TRAPPC9: variants seen among roughly 807,000 people sequenced by gnomAD.
TRAPPC9 encodes the protein trafficking protein particle complex subunit 9, also known as IKK2 binding protein.
Under a neutral mutation model 124.0 loss-of-function variants are expected in TRAPPC9, and 83 were observed. The observed-to-expected ratio is 0.67, with a 90% CI of 0.56 to 0.80. The LOEUF (loss-of-function observed/expected upper bound fraction) is 0.80. Among genes scored for constraint, TRAPPC9 ranks in the 30% least tolerant of loss-of-function variants. TRAPPC9 has a pLI of 0.00. For synonymous variants in TRAPPC9, 638 were observed against 617.5 expected, an observed-to-expected ratio of 1.03 and a Z score of -0.49; for missense variants, 1,302 against 1,508.3, an observed-to-expected ratio of 0.86 and a Z score of 2.27.
In TRAPPC9 at chr8:140,364,280, A is replaced by T. The variant is rs1484983034; in HGVS notation, c.1352-4087T>A. Among the ~76,000 whole-genome samples, 4 of 138,700 alleles carry T rather than the reference A, an allele frequency of 2.9e-5. No individual in the cohort carries two copies. In the East Asian group the frequency reaches 9.0e-4, roughly 31 times the overall value. 91.0% of individuals were successfully genotyped at this position (138,700 alleles called of 152,430 possible). ...TACCCTGAAGCCAGCCTGGAGTTAT[A>T]TTCAAAGGATGCAAAAAAAAAAAAA... On this transcript the variant is annotated intron_variant, in intron 8 of 22. Transcript: ENST00000438773.
chr8:139,897,174 G>A (rs748104399), intron 20 of TRAPPC9, among the ~76,000 whole-genome samples: 4 of 152,166 alleles, frequency 2.6e-5, no homozygotes, highest in South Asian at 4.1e-4. Flanking sequence ...CTCTCACAGC[G>A]TCCTCCAAGC....
At chr8:140,443,211 A>G (rs1412574552) in intron 2 of TRAPPC9, among the ~76,000 whole-genome samples, 40 of 143,670 alleles carry the variant, frequency 2.8e-4, no homozygotes, top group Admixed American at 4.9e-4. Context: ...CAAGGCGGGC[A>G]GATCACAAAG....
At chr8:140,340,080 C>G (rs1266367118) in intron 9 of TRAPPC9, among the ~76,000 whole-genome samples, 1 of 152,224 alleles carries the variant, frequency 6.6e-6, no homozygotes, top group African/African-American at 2.4e-5. Context: ...CTCCTGACCT[C>G]AGGTGATCCA....
chr8:139,892,175 C>T (rs1339706086), intron 20 of TRAPPC9, among the ~76,000 whole-genome samples: 1 of 152,258 alleles, frequency 6.6e-6, no homozygotes, highest in East Asian at 1.9e-4. Flanking sequence ...GGCCCCGCTC[C>T]TTCCTGGCCA....
intron 21 of TRAPPC9, among the ~76,000 whole-genome samples, chr8:139,854,615 C>T (rs183864322): frequency 4.5e-4 from 68 of 152,340 alleles, no homozygotes; most frequent in African/African-American, 1.5e-3. Context: ...CTCTGAGCCT[C>T]GGTGAGATGG....
intron 21 of TRAPPC9, among the ~76,000 whole-genome samples, chr8:139,820,007 CAAAAA>C (rs35064399): frequency 3.9e-5 from 2 of 51,810 alleles, no homozygotes; most frequent in South Asian, 1.2e-3. Flanking sequence ...GACTCTGTCT[CAAAAA>C]AAAAAAAAAA....
At chr8:140,373,890 C>T (rs1049041988) in intron 7 of TRAPPC9, among the ~76,000 whole-genome samples, 9 of 152,154 alleles carry the variant, frequency 5.9e-5, no homozygotes, top group African/African-American at 1.9e-4. Context: ...ATTACTGAGT[C>T]GTACGAGTTC....
intron 9 of TRAPPC9, among the ~76,000 whole-genome samples, chr8:140,319,171 ACTT>A (rs1476026175): frequency 7.4e-6 from 1 of 135,688 alleles, no homozygotes; most frequent in African/African-American, 2.7e-5. Context: ...GTTATTTTGA[ACTT>A]TTTTTTTTTT....
At chr8:140,134,267 CT>C (rs61492002) in intron 17 of TRAPPC9, among the ~76,000 whole-genome samples, 15 of 149,738 alleles carry the variant, frequency 1.0e-4, no homozygotes, top group African/African-American at 3.4e-4. Flanking sequence ...TGATTGTCTT[CT>C]TTTTTTTTTC....
intron 17 of TRAPPC9, among the ~76,000 whole-genome samples, chr8:140,088,588 A>G (rs923231642): frequency 6.6e-6 from 1 of 152,240 alleles, no homozygotes; most frequent in African/African-American, 2.4e-5. Context: ...TAAAAAGTCT[A>G]AGTGCATAAA....
At chr8:140,244,807 T>C (rs943820341) in intron 16 of TRAPPC9, among the ~76,000 whole-genome samples, 1 of 144,560 alleles carries the variant, frequency 6.9e-6, no homozygotes, top group African/African-American at 2.6e-5. Flanking sequence ...TTCCTTTTTT[T>C]TTTTTTTTTT....
intron 3 of TRAPPC9, among the ~76,000 whole-genome samples, chr8:140,437,788 T>C (rs572812025): frequency 1.3e-5 from 2 of 152,260 alleles, no homozygotes; most frequent in South Asian, 4.1e-4. Context: ...GTTTTAGTCC[T>C]TACCCACACA....
At chr8:139,814,937 C>G (rs1013037415) in intron 21 of TRAPPC9, among the ~76,000 whole-genome samples, 1 of 152,152 alleles carries the variant, frequency 6.6e-6, no homozygotes, top group Non-Finnish European at 1.5e-5. Context: ...GGCCGGGCAC[C>G]GAGTTGATGC....
intron 19 of TRAPPC9, among the ~76,000 whole-genome samples, chr8:139,917,016 C>T (rs1563920219): frequency 6.6e-6 from 1 of 152,168 alleles, no homozygotes; most frequent in Non-Finnish European, 1.5e-5. Context: ...CTTCCTGACT[C>T]GTCCATCCTG....
At chr8:140,189,555 T>G (rs1454809708) in intron 17 of TRAPPC9, among the ~76,000 whole-genome samples, 1 of 152,234 alleles carries the variant, frequency 6.6e-6, no homozygotes, top group Non-Finnish European at 1.5e-5. Context: ...TCCTAAGGTC[T>G]GATTTCAGCT....
At chr8:139,758,832 C>A (rs1257963166) in intron 21 of TRAPPC9, among the ~76,000 whole-genome samples, 1 of 152,202 alleles carries the variant, frequency 6.6e-6, no homozygotes, top group Non-Finnish European at 1.5e-5. Context: ...GGAATCGCTC[C>A]AAGTCCCAGG....
At chr8:139,967,825 T>C (rs1366740550) in intron 19 of TRAPPC9, among the ~76,000 whole-genome samples, 4 of 152,166 alleles carry the variant, frequency 2.6e-5, no homozygotes, top group Non-Finnish European at 4.4e-5. Flanking sequence ...AAAAGCACGC[T>C]TTGTTTTTGT....
At position 139,773,488 on chromosome 8, in the gene TRAPPC9, T is replaced by C. The variant is rs200205344; in HGVS notation, c.3056-41286A>G. Among the ~76,000 whole-genome samples the C allele has an allele frequency of 3.9e-5, 6 of 152,278 alleles. No individual in the cohort carries two copies. The East Asian group carries it at 1.2e-3, about 29-fold the overall frequency. On this transcript the variant is annotated intron_variant, in intron 21 of 22. Coordinates refer to ENST00000438773, the MANE Select transcript of TRAPPC9 (RefSeq NM_001160372.4). ...CCCCGAAGGGAAATGGAGGCGATGA[T>C]GGGGTGAGTCCTCCCCGGTGGACGG...
intron 16 of TRAPPC9, among the ~76,000 whole-genome samples, chr8:140,229,610 T>C (rs1444015545): frequency 1.3e-5 from 2 of 150,632 alleles, no homozygotes; most frequent in Non-Finnish European, 3.0e-5. Flanking sequence ...ACTCTGTCGC[T>C]GAGGCTGGAG....
Sources: allele counts gnomAD v4.1 joint callset (sites outside exome capture counted in the v4.1 genomes callset), GRCh38; gene constraint gnomAD v4.1.1; transcripts MANE v1.5; gene names NCBI Gene and HGNC (gene_info 2026-07-23, HGNC 2026-07-21).